GDA: variants seen among roughly 807,000 people sequenced by gnomAD.
GDA encodes the protein guanine deaminase, also known as cytoplasmic PSD-95 interactor.
A neutral mutation model predicts 59.6 loss-of-function variants in GDA; 18 were observed. That is an observed-to-expected ratio of 0.30 (90% CI 0.21 to 0.45). The LOEUF (loss-of-function observed/expected upper bound fraction) is 0.45. Ranked by LOEUF, GDA falls within the 20% of genes least tolerant of loss-of-function variation. The pLI, the probability that GDA is intolerant of heterozygous loss-of-function variation, is 1.00. For synonymous variants in GDA, 201 were observed against 201.1 expected, an observed-to-expected ratio of 1.00 and a Z score of 0.00; for missense variants, 427 against 552.3, an observed-to-expected ratio of 0.77 and a Z score of 2.27.
chr9:72,198,163 G>A (rs184379761), intron 2 of GDA, among the ~76,000 whole-genome samples: 1,593 of 152,274 alleles, frequency 0.01, 26 homozygotes, highest in African/African-American at 0.037. Context: ...GGGAGGCCGA[G>A]GCAGGCGGAT....
At chr9:72,160,738 G>A (rs1437290392) in intron 1 of GDA, among the ~76,000 whole-genome samples, 4 of 152,148 alleles carry the variant, frequency 2.6e-5, no homozygotes, top group South Asian at 2.1e-4. Context: ...AAAAATCTTT[G>A]TATGGTTTCC....
chr9:72,225,249 C>G (rs927922264), intron 7 of GDA, among the ~76,000 whole-genome samples: 6 of 152,256 alleles, frequency 3.9e-5, no homozygotes, highest in Admixed American at 3.3e-4. Flanking sequence ...CCACTACACT[C>G]CAGCCTGGGC....
chr9:72,133,500 G>A (rs1235110990), intron 1 of GDA, among the ~76,000 whole-genome samples: 1 of 151,980 alleles, frequency 6.6e-6, no homozygotes, highest in African/African-American at 2.4e-5. Flanking sequence ...CTTGATCTAT[G>A]TGAACTTTGT....
At chr9:72,227,046 A>G (rs62562035) in intron 8 of GDA, among the ~76,000 whole-genome samples, 1 of 152,160 alleles carries the variant, frequency 6.6e-6, no homozygotes, top group Non-Finnish European at 1.5e-5. Context: ...TGAACCCAGG[A>G]GGCGGAGCTT....
intron 1 of GDA, among the ~76,000 whole-genome samples, chr9:72,182,721 T>G (rs1474853622): frequency 6.6e-6 from 1 of 152,238 alleles, no homozygotes; most frequent in Non-Finnish European, 1.5e-5. Context: ...ATGAATCATT[T>G]TTTTATGATG....
chr9:72,206,893 G>A (rs1834786413), intron 3 of GDA, among the ~76,000 whole-genome samples: 1 of 151,542 alleles, frequency 6.6e-6, no homozygotes, highest in Admixed American at 6.6e-5. Context: ...TTCCAATCAG[G>A]TGAGTGATAA....
At chr9:72,225,419 A>G (rs975057773) in intron 7 of GDA, among the ~76,000 whole-genome samples, 5 of 151,988 alleles carry the variant, frequency 3.3e-5, no homozygotes, top group African/African-American at 1.2e-4. Flanking sequence ...GATATTATAC[A>G]TACACATACA....
chr9:72,163,536 A>G (rs1828914941), intron 1 of GDA, among the ~76,000 whole-genome samples: 1 of 151,150 alleles, frequency 6.6e-6, no homozygotes, highest in African/African-American at 2.4e-5. Context: ...TCTGTTGCTC[A>G]GGCTGGAGTG....
intron 8 of GDA, among the ~76,000 whole-genome samples, chr9:72,225,988 AGTGT>A (rs35524358): frequency 0.2 from 28,953 of 147,818 alleles, 3,017 homozygotes; most frequent in Middle Eastern, 0.3. Flanking sequence ...AGTAAAGCCT[AGTGT>A]GTGTGTGTGT....
chr9:72,123,635 G>A (rs1825753915), intron 1 of GDA, among the ~76,000 whole-genome samples: 1 of 151,904 alleles, frequency 6.6e-6, no homozygotes, highest in African/African-American at 2.4e-5. Flanking sequence ...ATACAGGCAT[G>A]CACCACCACG....
intron 1 of GDA, among the ~76,000 whole-genome samples, chr9:72,171,328 T>A (rs1215621703): frequency 1.3e-5 from 2 of 152,244 alleles, no homozygotes; most frequent in Admixed American, 1.3e-4. Flanking sequence ...TTATTCCATT[T>A]TATGATTCCA....
chr9:72,241,901 ATAAAT>A (rs891408479), intron 11 of GDA, among the ~76,000 whole-genome samples: 1 of 152,290 alleles, frequency 6.6e-6, no homozygotes, highest in Non-Finnish European at 1.5e-5. Flanking sequence ...CTCCAAATAA[ATAAAT>A]TAAAGAATCC....
intron 1 of GDA, among the ~76,000 whole-genome samples, chr9:72,153,819 G>C (rs1458992093): frequency 4.5e-5 from 5 of 111,044 alleles, no homozygotes; most frequent in Admixed American, 4.1e-4. Flanking sequence ...GTTGTGGGGT[G>C]GGGGGAGGGG....
At chr9:72,174,287 T>A (rs941427423) in intron 1 of GDA, among the ~76,000 whole-genome samples, 3 of 152,182 alleles carry the variant, frequency 2.0e-5, no homozygotes, top group Non-Finnish European at 2.9e-5. Context: ...AAGACAGATA[T>A]GAATAAAATA....
chr9:72,230,980 T>C, intron 9 of GDA, 134 bp from the exon 10 acceptor site: 1 of 693,788 alleles, frequency 1.4e-6, no homozygotes, highest in African/African-American at 1.7e-5. Context: ...ATTTGACTAA[T>C]ATGTTTGTGT....
Position 72,250,914 on chromosome 9 carries a change from C to T in GDA, c.*2572C>T. The T allele has an allele frequency of 3.2e-6, 4 of 1,247,316 alleles. No individual in the cohort carries two copies. The East Asian group carries it at 9.3e-5, about 29-fold the overall frequency. 77.3% of individuals were successfully genotyped at this position (1,247,316 alleles called of 1,614,324 possible). A position where few individuals can be genotyped will look rare whatever the true frequency, so the allele number is the denominator to read the frequency against. On this transcript the variant is annotated 3_prime_UTR_variant, in exon 14 of 14. Transcript: ENST00000358399. The stretch of plus-strand genomic sequence containing the variant: ...TTTGCAACCAGAACACAAAAGCAGG[C>T]TAGTCAGCTAAGGTAAATTTCATTT...
At chr9:72,149,824 C>G (rs1003497715) in intron 1 of GDA, 142 bp downstream of exon 1, 3 of 849,508 alleles carry the variant, frequency 3.5e-6, no homozygotes, top group Non-Finnish European at 5.1e-6. Context: ...GTCTTTGGCT[C>G]TTGGGCAACG....
chr9:72,192,223 C>CTTTTTTTTT lies in GDA; in HGVS notation c.124-3257_124-3249dup, dbSNP rs869237933. Among the ~76,000 whole-genome samples, 6 of 46,280 alleles carry CTTTTTTTTT rather than the reference C, an allele frequency of 1.3e-4. 2 individuals are homozygous for CTTTTTTTTT. The highest frequency in any genetic ancestry group is 2.6e-4 in the African/African-American group (3 of 11,456). 30.4% of individuals were successfully genotyped at this position (46,280 alleles called of 152,430 possible). A position where few individuals can be genotyped will look rare whatever the true frequency, so the allele number is the denominator to read the frequency against. ...CTCTGACTGTGTATTTTCAAATAGC[C>CTTTTTTTTT]TTTTTTTTTTTTTTTTTTTTTTTTT... On this transcript the variant is annotated intron_variant, in intron 1 of 13. Transcript: ENST00000358399.
intron 1 of GDA, among the ~76,000 whole-genome samples, chr9:72,156,188 T>A (rs962786975): frequency 2.6e-5 from 4 of 152,194 alleles, no homozygotes; most frequent in Admixed American, 6.5e-5. Context: ...AGTTGACCAG[T>A]GATAGGAAAA....
Sources: gnomAD v4.1 joint callset for allele counts (sites outside exome capture counted in the v4.1 genomes callset) on GRCh38, gnomAD v4.1.1 for gene constraint, MANE v1.5 for transcripts, NCBI Gene and HGNC (gene_info 2026-07-23, HGNC 2026-07-21) for gene names.